The following ATP8A1 variants were observed in gnomAD, a reference collection of about 807,000 sequenced individuals.
ATP8A1 encodes the protein phospholipid-transporting ATPase IA.
A neutral mutation model predicts 177.7 loss-of-function variants in ATP8A1; 90 were observed. The observed-to-expected ratio is 0.51, with a 90% CI of 0.43 to 0.60. The LOEUF is 0.60. ATP8A1 is among the 20% of genes least tolerant of loss of function. ATP8A1 has a pLI of 0.00. For synonymous variants in ATP8A1, 493 were observed against 485.9 expected, an observed-to-expected ratio of 1.01 and a Z score of -0.19; for missense variants, 1,072 against 1,392.8, an observed-to-expected ratio of 0.77 and a Z score of 3.67.
At chr4:42,574,207 A>C (rs1056289729) in intron 14 of ATP8A1, among the ~76,000 whole-genome samples, 1 of 152,116 alleles carries the variant, frequency 6.6e-6, no homozygotes, top group Non-Finnish European at 1.5e-5. Flanking sequence ...AAAAGGAGAG[A>C]TGATAGAAGA....
At chr4:42,483,712 C>T (rs562354572) in intron 25 of ATP8A1, among the ~76,000 whole-genome samples, 2 of 152,228 alleles carry the variant, frequency 1.3e-5, no homozygotes, top group African/African-American at 2.4e-5. Flanking sequence ...TTTTGTGGTT[C>T]GACTTTTTGA....
At chr4:42,480,426 T>C (rs984564862) in intron 25 of ATP8A1, among the ~76,000 whole-genome samples, 1 of 152,192 alleles carries the variant, frequency 6.6e-6, no homozygotes, top group Admixed American at 6.5e-5. Flanking sequence ...TGGAAGCAAA[T>C]ATAGGGTTGA....
chr4:42,464,796 T>G lies in ATP8A1; in HGVS notation c.2513A>C (p.Lys838Thr). Residue 838 changes from lysine (K) to threonine (T), a missense_variant, in exon 27 of 37, where the codon AAA (lysine) becomes ACA (threonine). Lys to Thr is a moderately conservative substitution (Grantham distance 78, BLOSUM62 -1). Coordinates refer to ENST00000381668, the MANE Select transcript of ATP8A1 (RefSeq NM_006095.2). ...AATCATCAGTAAATTCTTCAAATATTTGAACTAAAACAAGAGTGGGAAAAA... is the reference window on the plus strand; with the variant it reads ...AATCATCAGTAAATTCTTCAAATATGTGAACTAAAACAAGAGTGGGAAAAA... ...NSSDYSIAQFKYLKNLLMIHG... is the reference protein window; with the variant it reads ...NSSDYSIAQFTYLKNLLMIHG... 1 of 1,613,308 alleles carries G rather than the reference T, an allele frequency of 6.2e-7. No homozygotes were observed. Among genetic ancestry groups the G allele is most frequent in the Non-Finnish European group, 8.5e-7 (1 of 1,179,450 alleles).
intron 22 of ATP8A1, among the ~76,000 whole-genome samples, chr4:42,510,188 T>G (rs2153195182): frequency 6.6e-6 from 1 of 152,352 alleles, no homozygotes; most frequent in African/African-American, 2.4e-5. Context: ...TAGACACACT[T>G]GATGCATGAC....
At chr4:42,422,528 T>A (rs540813281) in intron 35 of ATP8A1, among the ~76,000 whole-genome samples, 1 of 152,358 alleles carries the variant, frequency 6.6e-6, no homozygotes, top group Non-Finnish European at 1.5e-5. Flanking sequence ...AAGTTCTTTA[T>A]AATACTTCAT....
At chr4:42,491,882 A>T (rs1347895481) in intron 24 of ATP8A1, among the ~76,000 whole-genome samples, 1 of 152,208 alleles carries the variant, frequency 6.6e-6, no homozygotes, top group Non-Finnish European at 1.5e-5. Flanking sequence ...GAGAATGTGG[A>T]AACATCCCTA....
At chr4:42,486,397 C>G (rs1722208050) in intron 24 of ATP8A1, among the ~76,000 whole-genome samples, 1 of 152,092 alleles carries the variant, frequency 6.6e-6, no homozygotes, top group African/African-American at 2.4e-5. Context: ...ATTGTGGGAG[C>G]TAGGAACATA....
intron 1 of ATP8A1, among the ~76,000 whole-genome samples, chr4:42,656,433 G>A (rs1489415424): frequency 6.6e-6 from 1 of 152,056 alleles, no homozygotes; most frequent in East Asian, 1.9e-4. Flanking sequence ...AACTCGCTTC[G>A]CTGGGAGCTC....
chr4:42,571,934 T>C (rs900908582), intron 14 of ATP8A1, among the ~76,000 whole-genome samples: 4 of 152,236 alleles, frequency 2.6e-5, no homozygotes, highest in Non-Finnish European at 5.9e-5. Flanking sequence ...GTGTTAATTA[T>C]AATTTTCTTA....
rs559606564 is a variant in ATP8A1 at position 42,440,134 on chromosome 4, C to T, written c.3123+3431G>A. Among the ~76,000 whole-genome samples the T allele has an allele frequency of 2.0e-5, 3 of 152,264 alleles. No homozygotes were observed. In the East Asian group the frequency reaches 5.8e-4, roughly 29 times the overall value. On this transcript the variant is annotated intron_variant, in intron 33 of 36. Transcript: ENST00000381668. ...CTCTGTCTCCTCACATCCAACCTGT[C>T]CATCAATCCTATTGGCTCTGCCCTC... is the stretch of plus-strand genomic sequence containing the variant.
intron 10 of ATP8A1, 141 bp downstream of exon 10, chr4:42,581,480 T>A: frequency 1.5e-6 from 1 of 675,210 alleles, no homozygotes; most frequent in Non-Finnish European, 2.6e-6. Flanking sequence ...CTCACAGGAG[T>A]ACCAGATTCT....
intron 15 of ATP8A1, among the ~76,000 whole-genome samples, chr4:42,560,193 T>C (rs1438699346): frequency 6.6e-6 from 1 of 152,082 alleles, no homozygotes; most frequent in Non-Finnish European, 1.5e-5. Flanking sequence ...TCACTTTCTG[T>C]AAAAATAAGA....
chr4:42,635,746 CATAT>C (rs768168762), intron 1 of ATP8A1, among the ~76,000 whole-genome samples: 2 of 119,468 alleles, frequency 1.7e-5, no homozygotes, highest in East Asian at 4.9e-4. Flanking sequence ...CACATATATA[CATAT>C]ATATACACAC....
chr4:42,550,307 C>G (rs1729377241), intron 18 of ATP8A1, among the ~76,000 whole-genome samples: 1 of 150,046 alleles, frequency 6.7e-6, no homozygotes, highest in African/African-American at 2.5e-5. Context: ...TTTAGATGTT[C>G]CATTGTGAGA....
chr4:42,441,318 C>T (rs1285512998), intron 33 of ATP8A1, among the ~76,000 whole-genome samples: 1 of 151,806 alleles, frequency 6.6e-6, no homozygotes, highest in African/African-American at 2.4e-5. Flanking sequence ...AATATTGGCA[C>T]ATACATGAAT....
Position 42,454,661 on chromosome 4 carries a change from G to GGT in ATP8A1, c.2817+634_2817+635dup, listed in dbSNP as rs142603417. ...GGAAAGTAAACTATATAGAAAATGA[G>GGT]GTGTGTGTGTGTGTGTGTCTGGGAT... On this transcript the variant is annotated intron_variant, in intron 29 of 36. Coordinates refer to ENST00000381668, the MANE Select transcript of ATP8A1 (RefSeq NM_006095.2). Among the ~76,000 whole-genome samples, 856 of 151,286 alleles carry GGT rather than the reference G, an allele frequency of 5.7e-3. 4 individuals are homozygous for GGT. The highest frequency in any genetic ancestry group is 9.1e-3 in the African/African-American group (374 of 41,298).
At chr4:42,636,156 A>AGCGCGCGCG (rs1553920760) in intron 1 of ATP8A1, among the ~76,000 whole-genome samples, 1 of 90,968 alleles carries the variant, frequency 1.1e-5, no homozygotes, top group African/African-American at 3.3e-5. Flanking sequence ...ACACACACAC[A>AGCGCGCGCG]CGCACACACA....
intron 33 of ATP8A1, among the ~76,000 whole-genome samples, chr4:42,435,430 AAAAAAAAAAAAAAAAAAAAC>A (rs1361400630): frequency 1.3e-4 from 9 of 70,730 alleles, no homozygotes; most frequent in African/African-American, 2.8e-4. Flanking sequence ...TCATCTCAAA[AAAAAAAAAAAAAAAAAAAAC>A]AAAAAAAAAA....
chr4:42,575,497 A>G, intron 13 of ATP8A1, 125 bp downstream of exon 13: 1 of 751,524 alleles, frequency 1.3e-6, no homozygotes, highest in Non-Finnish European at 2.2e-6. Flanking sequence ...TGCACTAACA[A>G]ATATATTATT....
Sources: allele counts gnomAD v4.1 joint callset (sites outside exome capture counted in the v4.1 genomes callset), GRCh38; gene constraint gnomAD v4.1.1; transcripts MANE v1.5; gene names NCBI Gene and HGNC (gene_info 2026-07-23, HGNC 2026-07-21).